NHSL3: variants seen among roughly 807,000 people sequenced by gnomAD.
The protein encoded by NHSL3 is NHS like 3, also known as NHS-like protein 3.
chr1:32,745,647 A>G, the NHSL3 span, among the ~76,000 whole-genome samples: 1 of 152,030 alleles, frequency 6.6e-6, no homozygotes, highest in Non-Finnish European at 1.5e-5. Context: ...TCACCCCTCC[A>G]AGCCTCAGTA....
At chr1:32,756,262 A>G in the NHSL3 span, among the ~76,000 whole-genome samples, 2 of 152,156 alleles carry the variant, frequency 1.3e-5, no homozygotes, top group African/African-American at 4.8e-5. Flanking sequence ...TCTTTGAAGT[A>G]ATCACAGGAT....
the NHSL3 span, chr1:32,754,289 T>G: frequency 3.6e-5 from 21 of 579,812 alleles, no homozygotes; most frequent in African/African-American, 3.3e-4. Context: ...TGTGGGGGGG[T>G]CGGGAATCCC....
At chr1:32,767,735 T>A in the NHSL3 span, 4 of 1,509,568 alleles carry the variant, frequency 2.6e-6, no homozygotes, top group Non-Finnish European at 3.6e-6. Flanking sequence ...CCTGTGCCCC[T>A]GCAGGGCCCA....
At chr1:32,754,107 C>T in the NHSL3 span, 4 of 709,696 alleles carry the variant, frequency 5.6e-6, no homozygotes, top group South Asian at 4.5e-5. Context: ...ACTCACACCA[C>T]AAGAGGAAGG....
the NHSL3 span, among the ~76,000 whole-genome samples, chr1:32,761,266 G>A: frequency 6.6e-6 from 1 of 152,154 alleles, no homozygotes; most frequent in South Asian, 2.1e-4. Context: ...CCAGTCACCT[G>A]AGACTCAGGT....
chr1:32,755,915 C>G, the NHSL3 span, among the ~76,000 whole-genome samples: 78 of 152,242 alleles, frequency 5.1e-4, no homozygotes, highest in African/African-American at 1.8e-3. Flanking sequence ...CTGATGGTCG[C>G]TCGGATCTGA....
chr1:32,744,848 G>C, the NHSL3 span, among the ~76,000 whole-genome samples: 1 of 152,162 alleles, frequency 6.6e-6, no homozygotes, highest in Non-Finnish European at 1.5e-5. Context: ...ATTAAAGGCT[G>C]GGCGTGGTGG....
chr1:32,753,483 A>C, the NHSL3 span, among the ~76,000 whole-genome samples: 1 of 152,052 alleles, frequency 6.6e-6, no homozygotes, highest in Admixed American at 6.5e-5. Context: ...ACTTGGTCTC[A>C]AAAAAATAAA....
chr1:32,770,744 C>T, the NHSL3 span: 5 of 1,559,828 alleles, frequency 3.2e-6, no homozygotes, highest in Middle Eastern at 1.7e-4. The surrounding 1 kb of genome is among the most constrained non-coding windows in gnomAD (Gnocchi z 8.3). Flanking sequence ...TTAGGGTTGC[C>T]CCCTAAGCCT....
At chr1:32,771,466 C>A in the NHSL3 span, 1 of 1,585,262 alleles carries the variant, frequency 6.3e-7, no homozygotes, top group Admixed American at 1.7e-5. Flanking sequence ...TGCTGAGGAG[C>A]CCCTCCAAGA....
the NHSL3 span, chr1:32,770,496 G>C: frequency 6.4e-7 from 1 of 1,568,722 alleles, no homozygotes; most frequent in Non-Finnish European, 8.7e-7. This position sits in a 1 kb window ranked among gnomAD's most constrained non-coding sequence, Gnocchi z 8.3. Context: ...GTGGCTCTGA[G>C]GGCCAGCCGG....
At chr1:32,757,903 G>T in the NHSL3 span, among the ~76,000 whole-genome samples, 1 of 152,172 alleles carries the variant, frequency 6.6e-6, no homozygotes, top group African/African-American at 2.4e-5. Context: ...CCCCGGCCCC[G>T]GGGGATTTGG....
At chr1:32,769,893 G>A in the NHSL3 span, 16 of 1,609,462 alleles carry the variant, frequency 9.9e-6, no homozygotes, top group Non-Finnish European at 1.3e-5. Context: ...TGAGGAATGA[G>A]CGTGAGGCAC....
chr1:32,773,470 A>C, the NHSL3 span: 1 of 157,628 alleles, frequency 6.3e-6, no homozygotes, highest in Admixed American at 6.1e-5. Context: ...GTGTTCCCAC[A>C]GGCTTCTCTA....
At chr1:32,760,844 C>T in the NHSL3 span, among the ~76,000 whole-genome samples, 1 of 152,168 alleles carries the variant, frequency 6.6e-6, no homozygotes, top group Admixed American at 6.5e-5. Context: ...CCGCCTTGGC[C>T]TCCCAAAGTG....
the NHSL3 span, chr1:32,772,858 C>T: frequency 4.3e-6 from 7 of 1,613,754 alleles, no homozygotes; most frequent in Non-Finnish European, 5.9e-6. Context: ...TTATTTTTCT[C>T]CCCCAGACTC....
the NHSL3 span, chr1:32,772,021 T>C: frequency 6.2e-6 from 10 of 1,604,450 alleles, no homozygotes; most frequent in Admixed American, 1.5e-4. Context: ...TGAAGGCCTC[T>C]CAAGTGCTCA....
the NHSL3 span, among the ~76,000 whole-genome samples, chr1:32,752,279 C>G: frequency 6.6e-6 from 1 of 152,156 alleles, no homozygotes; most frequent in African/African-American, 2.4e-5. Context: ...TTGACTCTCA[C>G]ATTTTGCAGG....
the NHSL3 span, among the ~76,000 whole-genome samples, chr1:32,750,638 G>T: frequency 3.3e-3 from 502 of 152,012 alleles, 3 homozygotes; most frequent in African/African-American, 0.011. Context: ...CTCCCGAGTA[G>T]CTGGGATTAT....
Sources: allele counts gnomAD v4.1 joint callset (sites outside exome capture counted in the v4.1 genomes callset), GRCh38; gene constraint gnomAD v4.1.1; non-coding constraint Gnocchi (gnomAD v3.1); transcripts MANE v1.5; gene names NCBI Gene and HGNC (gene_info 2026-07-23, HGNC 2026-07-21).